Variants in TCF4 observed in about 807,000 individuals in gnomAD.
The protein encoded by TCF4 is SL3-3 enhancer factor 2.
Under a neutral mutation model 82.1 loss-of-function variants are expected in TCF4, and 3 were observed. That is an observed-to-expected ratio of 0.04 (90% CI 0.02 to 0.09). The LOEUF is 0.09. Ranked by LOEUF, TCF4 falls within the 10% of genes least tolerant of loss-of-function variation. The pLI is 1.00. For synonymous variants in TCF4, 276 were observed against 309.6 expected (o/e 0.89, Z 1.14); for missense variants, 518 against 852.7 (o/e 0.61, Z 4.89).
Position 55,612,358 on chromosome 18 carries a change from GTCTA to G in TCF4, c.286+18936_286+18939del, listed in dbSNP as rs558039441. ...TTGAGGACCAACGTAATGAAGTGAG[GTCTA>G]TCTTTTATTTTATTTGCTTTTAAGG... On this transcript the variant is annotated intron_variant, in intron 2 of 20. Coordinates refer to the TCF4 transcript ENST00000398339. Among the ~76,000 whole-genome samples, 44 of 151,908 alleles carry G rather than the reference GTCTA, an allele frequency of 2.9e-4. No individual in the cohort carries two copies. In the East Asian group the frequency reaches 7.6e-3, roughly 26 times the overall value.
chr18:55,350,500 T>G lies in TCF4; in HGVS notation c.500-92A>C, dbSNP rs1047520865. ...ACAAAGACTTCTAGATGATACCACATTTCCTTAAATCATTACCTTAGCAAA... is the reference window on the plus strand; with the variant it reads ...ACAAAGACTTCTAGATGATACCACAGTTCCTTAAATCATTACCTTAGCAAA... On this transcript the variant is annotated intron_variant, in intron 7 of 19. Coordinates refer to ENST00000354452, the MANE Select transcript of TCF4 (RefSeq NM_001083962.2). 21 of 1,305,320 alleles carry G rather than the reference T, an allele frequency of 1.6e-5. No individual in the cohort carries two copies. The African/African-American group carries it at 2.9e-4, about 18-fold the overall frequency. The allele number at this position is 1,305,320 out of a possible 1,614,324, so 80.9% of individuals were successfully genotyped here.
Position 55,321,284 on chromosome 18 carries a change from TTTCTCAATTCTGC to T in TCF4, c.549+29062_549+29074del, listed in dbSNP as rs2075424582. The T allele has an allele frequency of 1.3e-5, 3 of 229,172 alleles. No individual in the cohort carries two copies. In the South Asian group the frequency reaches 1.9e-4, roughly 15 times the overall value. 14.2% of individuals were successfully genotyped at this position (229,172 alleles called of 1,614,324 possible). A position where few individuals can be genotyped will look rare whatever the true frequency, so the allele number is the denominator to read the frequency against. The stretch of plus-strand genomic sequence containing the variant: ...AATTTCCTCTCAGCCTAACTTGGGC[TTTCTCAATTCTGC>T]TTCTCATATCTGCTTTTCCTTTCTA... On this transcript the variant is annotated intron_variant, in intron 8 of 19. Coordinates refer to ENST00000354452, the MANE Select transcript of TCF4 (RefSeq NM_001083962.2).
intron 3 of TCF4, among the ~76,000 whole-genome samples, chr18:55,549,610 A>ACAACAACAGCATGGCGCTGTCAGGGG (rs1311243536): frequency 2.0e-5 from 3 of 152,182 alleles, no homozygotes; most frequent in African/African-American, 4.8e-5. Flanking sequence ...GTCTCACTGG[A>ACAACAACAGCATGGCGCTGTCAGGGG]CAACAACAGC....
At chr18:55,382,307 T>G in intron 6 of TCF4, among the ~76,000 whole-genome samples, 1 of 151,984 alleles carries the variant, frequency 6.6e-6, no homozygotes, top group East Asian at 1.9e-4. Context: ...AAGAAGTCAC[T>G]TAGTCACGTA....
chr18:55,473,941 C>T (rs2096239488), intron 3 of TCF4, among the ~76,000 whole-genome samples: 2 of 152,126 alleles, frequency 1.3e-5, no homozygotes, highest in South Asian at 4.1e-4. Flanking sequence ...AAGATACAGA[C>T]CCCTTAAGCA....
intron 3 of TCF4, among the ~76,000 whole-genome samples, chr18:55,576,716 C>T (rs899914659): frequency 2.6e-5 from 4 of 152,146 alleles, no homozygotes; most frequent in Non-Finnish European, 5.9e-5. Context: ...GTTTTCATTT[C>T]TCTAAACTCC....
intron 3 of TCF4, among the ~76,000 whole-genome samples, chr18:55,585,021 TG>T (rs2097624364): frequency 6.6e-6 from 1 of 152,198 alleles, no homozygotes; most frequent in Non-Finnish European, 1.5e-5. Flanking sequence ...TGATTACAAC[TG>T]TATTAGAAAA....
At chr18:55,558,268 A>G (rs969657689) in intron 3 of TCF4, among the ~76,000 whole-genome samples, 2 of 152,254 alleles carry the variant, frequency 1.3e-5, no homozygotes, top group East Asian at 3.9e-4. Context: ...TGTATCTCCA[A>G]CCAAAATGTA....
chr18:55,533,348 T>C (rs1333629963), intron 3 of TCF4, among the ~76,000 whole-genome samples: 1 of 152,094 alleles, frequency 6.6e-6, no homozygotes, highest in Admixed American at 6.6e-5. Context: ...TTAGAATTGC[T>C]ATAAAACCTG....
At chr18:55,389,156 CA>C (rs1177662438) in intron 6 of TCF4, among the ~76,000 whole-genome samples, 4 of 152,032 alleles carry the variant, frequency 2.6e-5, no homozygotes, top group Non-Finnish European at 4.4e-5. Flanking sequence ...AATCCAGCCT[CA>C]GGGGTCATTG....
chr18:55,321,613 C>G (rs2075511926), intron 8 of TCF4: 1 of 1,535,840 alleles, frequency 6.5e-7, no homozygotes, highest in Non-Finnish European at 8.7e-7. Context: ...CTAGGATGCT[C>G]ATCCCTGCGA....
chr18:55,363,891 T>G (rs2086161554), intron 6 of TCF4, among the ~76,000 whole-genome samples: 1 of 152,116 alleles, frequency 6.6e-6, no homozygotes, highest in African/African-American at 2.4e-5. Flanking sequence ...TAACAAATAT[T>G]TAATGAGAAG....
intron 8 of TCF4, among the ~76,000 whole-genome samples, chr18:55,333,864 A>G (rs1361680331): frequency 6.6e-6 from 1 of 152,166 alleles, no homozygotes; most frequent in East Asian, 1.9e-4. Context: ...GTTTCAATGA[A>G]CCAAGGAATG....
At chr18:55,503,958 C>T (rs549469118) in intron 3 of TCF4, among the ~76,000 whole-genome samples, 76 of 152,220 alleles carry the variant, frequency 5.0e-4, no homozygotes, top group South Asian at 1.7e-3. Flanking sequence ...GCCTGTAGTC[C>T]CGCTACTGAG....
chr18:55,444,597 C>T (rs1048878805), intron 5 of TCF4, among the ~76,000 whole-genome samples: 6 of 152,182 alleles, frequency 3.9e-5, no homozygotes, highest in Non-Finnish European at 5.9e-5. Context: ...CTGACAGCTA[C>T]AGAATTGAGA....
chr18:55,590,557 G>A (rs2097683437), upstream of TCF4, among the ~76,000 whole-genome samples: 1 of 152,138 alleles, frequency 6.6e-6, no homozygotes, highest in Non-Finnish European at 1.5e-5. Flanking sequence ...CCCACTTTAC[G>A]AATTTTATAG....
intron 19 of TCF4, 23 bp from the exon 20 acceptor site, chr18:55,228,053 A>G (rs1489062022): frequency 1.2e-6 from 1 of 868,670 alleles, no homozygotes; most frequent in African/African-American, 1.7e-5. Context: ...AAAAGAGAGA[A>G]AAAATTCATT....
chr18:55,388,010 C>T (rs2092743475), intron 6 of TCF4, among the ~76,000 whole-genome samples: 1 of 152,214 alleles, frequency 6.6e-6, no homozygotes, highest in East Asian at 1.9e-4. Flanking sequence ...TAGTTTTCCA[C>T]TTGCTACAAA....
chr18:55,581,643 G>A (rs2097575919), intron 3 of TCF4, among the ~76,000 whole-genome samples: 2 of 151,802 alleles, frequency 1.3e-5, no homozygotes, highest in South Asian at 2.1e-4. Context: ...TTCAGGATGT[G>A]ACCACGTTAA....
Sources: gnomAD v4.1 joint callset for allele counts (sites outside exome capture counted in the v4.1 genomes callset) on GRCh38, gnomAD v4.1.1 for gene constraint, MANE v1.5 for transcripts, NCBI Gene and HGNC (gene_info 2026-07-23, HGNC 2026-07-21) for gene names.